LDB2: variants seen among roughly 807,000 people sequenced by gnomAD.
LDB2 encodes the protein LIM domain binding 2, also known as LIM domain-binding protein 2.
In LDB2, 12 loss-of-function variants were observed where a neutral mutation model predicts 44.3. The ratio of observed to expected loss-of-function variants is 0.27; its 90% CI spans 0.17 to 0.44. The LOEUF (loss-of-function observed/expected upper bound fraction) is 0.44. LDB2 is among the 20% of genes least tolerant of loss of function. LDB2 has a pLI of 1.00. For missense variants in LDB2, 344 were observed against 473.5 expected, an observed-to-expected ratio of 0.73 and a Z score of 2.54; for synonymous variants, 164 against 174.8, an observed-to-expected ratio of 0.94 and a Z score of 0.49.
chr4:16,656,075 A>AT (rs976963029), intron 2 of LDB2, among the ~76,000 whole-genome samples: 28 of 151,288 alleles, frequency 1.9e-4, no homozygotes, highest in African/African-American at 6.8e-4. Context: ...AATTTTTTGT[A>AT]TTTTTTAGTA....
At chr4:16,517,736 G>A (rs1314342727) in intron 5 of LDB2, among the ~76,000 whole-genome samples, 1 of 152,208 alleles carries the variant, frequency 6.6e-6, no homozygotes, top group Non-Finnish European at 1.5e-5. Flanking sequence ...AAAGTTCCAA[G>A]GACACCTTTT....
chr4:16,614,590 A>AAAC (rs1560637619), intron 2 of LDB2, among the ~76,000 whole-genome samples: 3 of 151,060 alleles, frequency 2.0e-5, no homozygotes, highest in African/African-American at 7.3e-5. Context: ...CAAAAAAAAA[A>AAAC]AAAAAAAAAA....
At chr4:16,785,431 C>T (rs1437153146) in intron 1 of LDB2, among the ~76,000 whole-genome samples, 1 of 152,140 alleles carries the variant, frequency 6.6e-6, no homozygotes, top group Non-Finnish European at 1.5e-5. Context: ...AAACACAAGG[C>T]TTCATGGTGA....
intron 1 of LDB2, among the ~76,000 whole-genome samples, chr4:16,871,340 T>A (rs1036906380): frequency 2.0e-5 from 3 of 152,084 alleles, no homozygotes; most frequent in African/African-American, 7.3e-5. Context: ...TGAGTTTTTA[T>A]TTTGTTGACT....
intron 3 of LDB2, among the ~76,000 whole-genome samples, chr4:16,590,491 T>G (rs1435757747): frequency 6.6e-6 from 1 of 152,216 alleles, no homozygotes; most frequent in African/African-American, 2.4e-5. Flanking sequence ...ACACCACCAC[T>G]TACTGAATTG....
chr4:16,881,148 G>C (rs1486144308), intron 1 of LDB2, among the ~76,000 whole-genome samples: 1 of 152,164 alleles, frequency 6.6e-6, no homozygotes, highest in African/African-American at 2.4e-5. Flanking sequence ...ACCTACCTGG[G>C]CCTCAGTGTC....
chr4:16,574,332 CAT>C (rs1180938643), intron 5 of LDB2, among the ~76,000 whole-genome samples: 3 of 152,170 alleles, frequency 2.0e-5, no homozygotes, highest in Non-Finnish European at 4.4e-5. Flanking sequence ...AATGATTATA[CAT>C]ATGTGATAAC....
chr4:16,717,159 A>AAATAATAAT (rs140994016), intron 2 of LDB2, among the ~76,000 whole-genome samples: 22 of 146,504 alleles, frequency 1.5e-4, no homozygotes, highest in African/African-American at 5.1e-4. Flanking sequence ...AGCTAATAGC[A>AAATAATAAT]AATAATAATA....
At chr4:16,701,344 C>T (rs1753395269) in intron 2 of LDB2, among the ~76,000 whole-genome samples, 1 of 152,126 alleles carries the variant, frequency 6.6e-6, no homozygotes, top group African/African-American at 2.4e-5. Flanking sequence ...AAAGGTGGAT[C>T]ACAAAAGAGT....
In LDB2 at chr4:16,588,790, C is replaced by T; in HGVS notation, c.451G>A (p.Asp151Asn). Residue 151 changes from aspartate (D) to asparagine (N), a missense_variant, in exon 4 of 8, where the codon GAT becomes AAT. Transcript: ENST00000304523. ...TGCCATGTTTTGATTCTCATGAGAT[C>T]ATCAAAGGTGAACTCCAAGATCAGT... The part of the protein sequence containing the change: ...GRLILEFTFD[D>N]LMRIKTWHFT... The T allele has an allele frequency of 6.2e-7, 1 of 1,613,134 alleles. No homozygotes were observed. Among genetic ancestry groups the T allele is most frequent in the South Asian group, 1.1e-5 (1 of 91,010 alleles).
intron 2 of LDB2, among the ~76,000 whole-genome samples, chr4:16,717,448 T>C (rs1283080257): frequency 1.3e-5 from 2 of 152,068 alleles, no homozygotes; most frequent in African/African-American, 2.4e-5. Flanking sequence ...AAGTCGTGGG[T>C]AATGAAAATA....
At chr4:16,614,061 A>C (rs940397175) in intron 2 of LDB2, among the ~76,000 whole-genome samples, 2 of 152,234 alleles carry the variant, frequency 1.3e-5, no homozygotes, top group Admixed American at 1.3e-4. Flanking sequence ...TACTTGTACC[A>C]AAACAGACAT....
chr4:16,779,144 G>A (rs971925970), intron 1 of LDB2, among the ~76,000 whole-genome samples: 3 of 152,194 alleles, frequency 2.0e-5, no homozygotes, highest in Non-Finnish European at 4.4e-5. Context: ...CTGGAGGGGA[G>A]CCTCCGCAGA....
intron 6 of LDB2, among the ~76,000 whole-genome samples, chr4:16,510,799 A>G (rs1242457424): frequency 1.3e-5 from 2 of 152,208 alleles, no homozygotes; most frequent in African/African-American, 2.4e-5. Flanking sequence ...TGTAACTCCC[A>G]GTGGCTAGAA....
chr4:16,731,892 A>G (rs1329292578), intron 2 of LDB2, among the ~76,000 whole-genome samples: 1 of 152,158 alleles, frequency 6.6e-6, no homozygotes, highest in Non-Finnish European at 1.5e-5. Flanking sequence ...AAGCAAACGA[A>G]TGTAAATCCA....
At chr4:16,637,680 T>C (rs1315696139) in intron 2 of LDB2, among the ~76,000 whole-genome samples, 4 of 151,900 alleles carry the variant, frequency 2.6e-5, no homozygotes, top group Admixed American at 1.3e-4. Flanking sequence ...AAGATAGGGG[T>C]GTCAGGACAG....
intron 1 of LDB2, among the ~76,000 whole-genome samples, chr4:16,857,187 C>T (rs1316869345): frequency 1.3e-5 from 2 of 152,224 alleles, no homozygotes; most frequent in African/African-American, 4.8e-5. Context: ...AGGGGCAGGT[C>T]GAGGGAAGCC....
intron 1 of LDB2, 68 bp downstream of exon 1, chr4:16,898,286 C>T: frequency 1.3e-6 from 2 of 1,484,916 alleles, no homozygotes; most frequent in East Asian, 2.3e-5. Context: ...CAGCCAGAAA[C>T]CCTAGGAAAA....
Position 16,571,601 on chromosome 4 carries a change from T to A in LDB2, c.615+14321A>T, listed in dbSNP as rs998924037. On this transcript the variant is annotated intron_variant, in intron 5 of 7. Transcript: ENST00000304523. ...TGTAATCCCAGCCTGGCGGTTTACC[T>A]TCTGCATGAAGTTAGATGAGTCCCA... Among the ~76,000 whole-genome samples, 38 of 152,352 alleles carry A rather than the reference T, an allele frequency of 2.5e-4. 1 individual carries two copies. Among genetic ancestry groups the A allele is most frequent in the South Asian group, 1.0e-3 (5 of 4,828 alleles).
Sources: gnomAD v4.1 joint callset for allele counts (sites outside exome capture counted in the v4.1 genomes callset) on GRCh38, gnomAD v4.1.1 for gene constraint, MANE v1.5 for transcripts, NCBI Gene and HGNC (gene_info 2026-07-23, HGNC 2026-07-21) for gene names.